The following EPHA2 variants were observed in gnomAD, a reference collection of about 807,000 sequenced individuals.
EPHA2 encodes the protein ephrin type-A receptor 2.
A neutral mutation model predicts 104.9 loss-of-function variants in EPHA2; 54 were observed. The observed-to-expected ratio is 0.51, with a 90% CI of 0.41 to 0.65. The LOEUF is 0.65. EPHA2 is among the 30% of genes least tolerant of loss of function. EPHA2 has a pLI of 0.00. For synonymous variants in EPHA2, 560 were observed against 559.1 expected (o/e 1.00, Z -0.02); for missense variants, 1,117 against 1,369.5 (o/e 0.82, Z 2.91).
rs767014539 is a variant in EPHA2 at position 16,150,942 on chromosome 1, G to A, written c.107C>T (p.Ala36Val). 6 of 1,613,982 alleles carry A rather than the reference G, an allele frequency of 3.7e-6. No individual in the cohort carries two copies. The highest frequency in any genetic ancestry group is 1.3e-5 in the African/African-American group (1 of 74,918). The change falls in exon 2 of 17, where the codon GCA (alanine) becomes GTA (valine). Residue 36 changes from alanine to valine, a missense_variant. Coordinates refer to ENST00000358432, the MANE Select transcript of EPHA2 (RefSeq NM_004431.5). This position sits in a 1 kb window ranked among gnomAD's most constrained non-coding sequence, Gnocchi z 4.8. ...GKEVVLLDFA[A>V]AGGELGWLTH... ...GAGCCAGCCGAGCTCCCCTCCAGCT[G>A]CAGCAAAGTCCAGCAGTACCACTGA...
intron 1 of EPHA2, chr1:16,153,276 C>T (rs1266814272): frequency 4.1e-6 from 4 of 985,320 alleles, no homozygotes; most frequent in African/African-American, 1.7e-5. Flanking sequence ...CCGCAGCCTC[C>T]GAGGCTGTGG....
chr1:16,150,080 G>T lies in EPHA2; in HGVS notation c.153+816C>A, dbSNP rs1229678613. On this transcript the variant is annotated intron_variant, in intron 2 of 16. Transcript: ENST00000358432. This position sits in a 1 kb window ranked among gnomAD's most constrained non-coding sequence, Gnocchi z 4.8. ...TAGACTTCCAGGATCCTAGAAACCT[G>T]CTCAGGGCTACACCCCAGCCAAGCC... Among the ~76,000 whole-genome samples the T allele has an allele frequency of 6.6e-6, 1 of 152,096 alleles. No individual in the cohort carries two copies. Among genetic ancestry groups the T allele is most frequent in the East Asian group, 1.9e-4 (1 of 5,190 alleles).
rs2124216775 is a variant in EPHA2 at position 16,135,785 on chromosome 1, C to T, written c.1313-15G>A. The T allele has an allele frequency of 1.3e-6, 2 of 1,508,148 alleles. No homozygotes were observed. The highest frequency in any genetic ancestry group is 1.8e-6 in the Non-Finnish European group (2 of 1,086,864). The allele number at this position is 1,508,148 out of a possible 1,614,324, so 93.4% of individuals were successfully genotyped here. A position where few individuals can be genotyped will look rare whatever the true frequency, so the allele number is the denominator to read the frequency against. On this transcript the variant is annotated splice_polypyrimidine_tract_variant and intron_variant, in intron 5 of 16. Transcript: ENST00000358432. This position sits in a 1 kb window ranked among gnomAD's most constrained non-coding sequence, Gnocchi z 4.3. ...CTTGGGGGGCTCTGGGCAGGACAGG[C>T]AGTGGGGGAAGTGGGTAAGAAGCTG...
In EPHA2 at chr1:16,138,125, C is replaced by T. The variant is rs761928478; in HGVS notation, c.1040G>A (p.Arg347His). ...CCCGCTGTCCTGAGGGGGCGTCCAG[C>T]GCAGCTCCACCTTGGCACCCATGCC... is the stretch of plus-strand genomic sequence containing the variant. ...AVGMGAKVEL[R>H]WTPPQDSGGR... The change falls in exon 5 of 17, where the codon CGC becomes CAC. Residue 347 changes from arginine (R) to histidine (H), a missense_variant. Arg to His is a conservative substitution (Grantham distance 29). This residue lies in a region of EPHA2 where 664 missense variants were observed against 784.8 expected (regional missense o/e 0.85). Transcript: ENST00000358432. 1.4e-5 allele frequency: 23 copies of T among 1,609,066 alleles called. No homozygotes were observed. Among genetic ancestry groups the T allele is most frequent in the Middle Eastern group, 1.6e-4 (1 of 6,080 alleles).
At chr1:16,137,323 G>A (rs1297694967) in intron 5 of EPHA2, among the ~76,000 whole-genome samples, 1 of 151,790 alleles carries the variant, frequency 6.6e-6, no homozygotes, top group African/African-American at 2.4e-5. Flanking sequence ...TGCAGGCTGG[G>A]CGCAGTGGCT....
chr1:16,130,221 C>T lies in EPHA2; in HGVS notation c.2669+5G>A. ...GTCATCATGGGCAGAGGGCATAGAA[C>T]TCACCGGGGGTCAAAGTCAGCCAGG... is the stretch of plus-strand genomic sequence containing the variant. On this transcript the variant is annotated splice_donor_5th_base_variant and intron_variant, in intron 15 of 16. Transcript: ENST00000358432. This position sits in a 1 kb window ranked among gnomAD's most constrained non-coding sequence, Gnocchi z 4.5. 1 of 1,614,186 alleles carries T rather than the reference C, an allele frequency of 6.2e-7. No individual in the cohort carries two copies. Among genetic ancestry groups the T allele is most frequent in the Non-Finnish European group, 8.5e-7 (1 of 1,180,006 alleles).
intron 1 of EPHA2, among the ~76,000 whole-genome samples, chr1:16,151,644 TA>T (rs1318197162): frequency 1.3e-5 from 2 of 152,108 alleles, no homozygotes; most frequent in Non-Finnish European, 2.9e-5. Flanking sequence ...CCTGGACCCA[TA>T]GGGCCCCTAA....
intron 16 of EPHA2, 96 bp downstream of exon 16, chr1:16,129,338 C>A: frequency 1.4e-6 from 2 of 1,398,894 alleles, no homozygotes; most frequent in South Asian, 1.2e-5. Context: ...AAGAGAGGAG[C>A]ATTGAGGGGC....
rs1232380558 is a variant in EPHA2 at position 16,125,434 on chromosome 1, G to A, written c.2826-114C>T. 8 of 767,360 alleles carry A rather than the reference G, an allele frequency of 1.0e-5. No individual in the cohort carries two copies. The highest frequency in any genetic ancestry group is 5.2e-5 in the African/African-American group (3 of 57,742). 47.5% of individuals were successfully genotyped at this position (767,360 alleles called of 1,614,324 possible). ...GGGGAGGGGAGTGGAGGGAGGCAGA[G>A]GAGGAGGGTGGAGAGGGTGCCTTGG... is the stretch of plus-strand genomic sequence containing the variant. On this transcript the variant is annotated intron_variant, in intron 16 of 16. Transcript: ENST00000358432. The surrounding 1 kb of genome is among the most constrained non-coding windows in gnomAD (Gnocchi z 4.9).
chr1:16,135,268 CA>C lies in EPHA2; in HGVS notation c.1429-80del. 2 of 1,584,780 alleles carry C rather than the reference CA, an allele frequency of 1.3e-6. No homozygotes were observed. Among genetic ancestry groups the C allele is most frequent in the South Asian group, 2.2e-5 (2 of 89,926 alleles). On this transcript the variant is annotated intron_variant, in intron 6 of 16. Coordinates refer to ENST00000358432, the MANE Select transcript of EPHA2 (RefSeq NM_004431.5). This position sits in a 1 kb window ranked among gnomAD's most constrained non-coding sequence, Gnocchi z 4.3. ...CGGCTCAGCCCGCTGGAGACCACCC[CA>C]AGCTAGCAAGGTGGCTTGCCTTTGT...
At chr1:16,145,139 G>A (rs1323730792) in intron 3 of EPHA2, among the ~76,000 whole-genome samples, 1 of 152,224 alleles carries the variant, frequency 6.6e-6, no homozygotes, top group African/African-American at 2.4e-5. Flanking sequence ...CACCTGACCA[G>A]CGGTCCCCAG....
rs1465603404 is a variant in EPHA2, at chr1:16,129,455, T to C, written c.2804A>G (p.Lys935Arg). ...FMAAGYTAIE[K>R]VVQMTNDDIK... Reference sequence around the variant, plus strand: ...TTACTCGTTGGTCATCTGCACCACCTTCTCGATGGCAGTGTAGCCGGCCGC... The same window carrying C: ...TTACTCGTTGGTCATCTGCACCACCCTCTCGATGGCAGTGTAGCCGGCCGC... The change falls in exon 16 of 17, where the codon AAG (lysine) becomes AGG (arginine). Residue 935 changes from lysine to arginine, a missense_variant. This residue lies in a region of EPHA2 where 340 missense variants were observed against 480.5 expected (regional missense o/e 0.71). Transcript: ENST00000358432. 1 of 1,613,612 alleles carries C rather than the reference T, an allele frequency of 6.2e-7. No homozygotes were observed. The highest frequency in any genetic ancestry group is 1.7e-5 in the Admixed American group (1 of 60,006).
chr1:16,140,643 G>T (rs1404861868), intron 3 of EPHA2, among the ~76,000 whole-genome samples: 3 of 152,090 alleles, frequency 2.0e-5, no homozygotes, highest in Non-Finnish European at 4.4e-5. Flanking sequence ...TTTTGAGATG[G>T]AGTCTCGCTC....
intron 5 of EPHA2, among the ~76,000 whole-genome samples, chr1:16,137,373 C>A (rs55807001): frequency 6.6e-6 from 1 of 151,510 alleles, no homozygotes; most frequent in Admixed American, 6.6e-5. Flanking sequence ...CCGAGGCGGG[C>A]GGATCGCAAG....
At chr1:16,152,396 CG>C in intron 1 of EPHA2, among the ~76,000 whole-genome samples, 1 of 151,560 alleles carries the variant, frequency 6.6e-6, no homozygotes, top group Non-Finnish European at 1.5e-5. Flanking sequence ...CACTACTGAC[CG>C]GGGCCAAACC....
In EPHA2 at chr1:16,133,583, A is replaced by G; in HGVS notation, c.1762T>C (p.Tyr588His). The change falls in exon 10 of 17, where the codon TAC becomes CAC. Residue 588 changes from tyrosine (Y) to histidine (H), a missense_variant. By Grantham distance (83) the Tyr-to-His change is moderately conservative. This residue lies in a region of EPHA2 where 113 missense variants were observed against 104.3 expected (regional missense o/e 1.08). Coordinates refer to ENST00000358432, the MANE Select transcript of EPHA2 (RefSeq NM_004431.5). Reference sequence around the variant, plus strand: ...TCCTCATATGTGTGGGGGTCCACGTATGTCTTCAGGGGCTTCAGTTGTTCT... The same window carrying G: ...TCCTCATATGTGTGGGGGTCCACGTGTGTCTTCAGGGGCTTCAGTTGTTCT... ...KSEQLKPLKT[Y>H]VDPHTYEDPN... 6.2e-7 allele frequency: 1 copy of G among 1,614,006 alleles called. No individual in the cohort carries two copies. The highest frequency in any genetic ancestry group is 8.5e-7 in the Non-Finnish European group (1 of 1,179,946).
At chr1:16,139,824 C>T (rs1003534191) in intron 3 of EPHA2, among the ~76,000 whole-genome samples, 1 of 152,142 alleles carries the variant, frequency 6.6e-6, no homozygotes, top group South Asian at 2.1e-4. Context: ...GAAGCTGGGA[C>T]TTTATCCTGG....
At chr1:16,151,055 A>G (rs982259243) in intron 1 of EPHA2, 92 bp from the exon 2 acceptor site, 5 of 1,291,582 alleles carry the variant, frequency 3.9e-6, no homozygotes, top group Admixed American at 3.4e-5. Flanking sequence ...AGGAACCCCA[A>G]CTCTCAGACA....
rs1276783917 is a variant in EPHA2, at chr1:16,134,606, C to G, written c.1583-39G>C. On this transcript the variant is annotated intron_variant, in intron 7 of 16. Coordinates refer to ENST00000358432, the MANE Select transcript of EPHA2 (RefSeq NM_004431.5). The surrounding 1 kb of genome is among the most constrained non-coding windows in gnomAD (Gnocchi z 4.5). ...TCAGCTGATGACAAGGGAGTTCCCC[C>G]ACAAATTACAGCAACACCCGCGCTG... 1 of 1,603,442 alleles carries G rather than the reference C, an allele frequency of 6.2e-7. No homozygotes were observed. The highest frequency in any genetic ancestry group is 8.5e-7 in the Non-Finnish European group (1 of 1,172,698).
Sources: allele counts gnomAD v4.1 joint callset (sites outside exome capture counted in the v4.1 genomes callset), GRCh38; gene constraint gnomAD v4.1.1; regional missense constraint gnomAD v4.1.1; non-coding constraint Gnocchi (gnomAD v3.1); transcripts MANE v1.5; gene names NCBI Gene and HGNC (gene_info 2026-07-23, HGNC 2026-07-21).